EVC: variants seen among roughly 807,000 people sequenced by gnomAD.
EVC encodes the protein evC complex member EVC.
Under a neutral mutation model 118.9 loss-of-function variants are expected in EVC, and 116 were observed. The observed-to-expected ratio is 0.98, with a 90% CI of 0.84 to 1.14. The LOEUF (loss-of-function observed/expected upper bound fraction) is 1.14, where lower values mean the gene tolerates loss of function less well. Ranked by LOEUF, EVC falls within the 50% of genes most tolerant of loss-of-function variation. The probability of loss-of-function intolerance (pLI) is 0.00; values close to 1 mark genes in which losing one functional copy is unlikely to be tolerated. For synonymous variants in EVC, 619 were observed against 534.7 expected (o/e 1.16, Z -2.18); for missense variants, 1,401 against 1,246.4 (o/e 1.12, Z -1.87).
intron 11 of EVC, among the ~76,000 whole-genome samples, chr4:5,767,819 T>C (rs1733182611): frequency 6.6e-6 from 1 of 152,182 alleles, no homozygotes; most frequent in Non-Finnish European, 1.5e-5. Context: ...CCTAGTGAGA[T>C]GAACCCAGTA....
intron 4 of EVC, among the ~76,000 whole-genome samples, chr4:5,733,114 C>T (rs1383798510): frequency 2.6e-5 from 4 of 152,140 alleles, no homozygotes; most frequent in African/African-American, 4.8e-5. Context: ...TCTTGGAAGT[C>T]CCAGGCACCT....
At chr4:5,825,625 TACATG>T in the EVC span, 1 of 1,609,518 alleles carries the variant, frequency 6.2e-7, no homozygotes, top group Non-Finnish European at 8.5e-7. This position sits in a 1 kb window ranked among gnomAD's most constrained non-coding sequence, Gnocchi z 4.4. Flanking sequence ...AGGACCGTCA[TACATG>T]CCCCTGGAAA....
the EVC span, chr4:5,821,892 G>C: frequency 1.4e-6 from 2 of 1,463,450 alleles, no homozygotes; most frequent in Non-Finnish European, 1.8e-6. The surrounding 1 kb of genome is among the most constrained non-coding windows in gnomAD (Gnocchi z 4.4). Flanking sequence ...GGATCTGTTA[G>C]CATCAGTTCC....
intron 2 of EVC, among the ~76,000 whole-genome samples, chr4:5,723,404 T>C (rs1725298415): frequency 6.6e-6 from 1 of 152,094 alleles, no homozygotes; most frequent in Non-Finnish European, 1.5e-5. Flanking sequence ...TTGGTCAGGC[T>C]GGTCTCAAAC....
intron 15 of EVC, among the ~76,000 whole-genome samples, chr4:5,801,385 A>G (rs1437329785): frequency 6.6e-6 from 1 of 152,132 alleles, no homozygotes; most frequent in African/African-American, 2.4e-5. Context: ...ATGTTTAGAA[A>G]CGGAAGGCCT....
At chr4:5,767,443 A>G (rs1432884788) in intron 11 of EVC, among the ~76,000 whole-genome samples, 1 of 150,614 alleles carries the variant, frequency 6.6e-6, no homozygotes, top group Non-Finnish European at 1.5e-5. Flanking sequence ...TGCAGCTTCC[A>G]GGCTGCTTTG....
the EVC span, chr4:5,828,635 A>T: frequency 6.2e-7 from 1 of 1,613,944 alleles, no homozygotes; most frequent in African/African-American, 1.3e-5. Context: ...GAGCCGTGGC[A>T]CTCCATACCC....
In EVC at chr4:5,742,395, C is replaced by G. The variant is rs1728735602; in HGVS notation, c.801+581C>G. ...AATATGTGATGGCTGCTGTCATCCT[C>G]ATTATCACAACCACCACCAAAATCA... On this transcript the variant is annotated intron_variant, in intron 6 of 20. Coordinates refer to ENST00000264956, the MANE Select transcript of EVC (RefSeq NM_153717.3). The surrounding 1 kb of genome is among the most constrained non-coding windows in gnomAD (Gnocchi z 5.2). 6.6e-6 allele frequency among the ~76,000 whole-genome samples: 1 copy of G among 152,170 alleles called. No individual in the cohort carries two copies. Among genetic ancestry groups the G allele is most frequent in the Non-Finnish European group, 1.5e-5 (1 of 68,032 alleles).
chr4:5,758,693 T>C (rs554154373), intron 11 of EVC, among the ~76,000 whole-genome samples: 1 of 152,176 alleles, frequency 6.6e-6, no homozygotes, highest in African/African-American at 2.4e-5. Context: ...CCCATGTATC[T>C]TGCCCAGGTT....
At chr4:5,723,613 T>C (rs1382108910) in intron 2 of EVC, among the ~76,000 whole-genome samples, 1 of 152,152 alleles carries the variant, frequency 6.6e-6, no homozygotes, top group African/African-American at 2.4e-5. Flanking sequence ...CTCCCCTGTT[T>C]GTAGGAAGTT....
downstream of EVC, among the ~76,000 whole-genome samples, chr4:5,817,331 G>A (rs906416221): frequency 1.3e-5 from 2 of 152,162 alleles, no homozygotes; most frequent in African/African-American, 4.8e-5. Flanking sequence ...CGTCTGATAG[G>A]GAAAGACTTT....
At chr4:5,768,017 A>C (rs558615200) in intron 11 of EVC, among the ~76,000 whole-genome samples, 3 of 152,008 alleles carry the variant, frequency 2.0e-5, no homozygotes, top group Non-Finnish European at 4.4e-5. Flanking sequence ...TCGTTCATTC[A>C]TTCATTCATT....
Position 5,798,486 on chromosome 4 carries a change from C to T in EVC, c.2098-100C>T, listed in dbSNP as rs941658329. 2.4e-6 allele frequency: 3 copies of T among 1,253,016 alleles called. No individual in the cohort carries two copies. The highest frequency in any genetic ancestry group is 3.4e-6 in the Non-Finnish European group (3 of 878,610). The allele number at this position is 1,253,016 out of a possible 1,614,324, so 77.6% of individuals were successfully genotyped here. A position where few individuals can be genotyped will look rare whatever the true frequency, so the allele number is the denominator to read the frequency against. ...GCCCTTTCTCCATCCCTTTTCCAAC[C>T]CCTGGGCCCTGGATAGGACCAGCCC... is the stretch of plus-strand genomic sequence containing the variant. On this transcript the variant is annotated intron_variant, in intron 14 of 20. Transcript: ENST00000264956. This position sits in a 1 kb window ranked among gnomAD's most constrained non-coding sequence, Gnocchi z 4.1.
downstream of EVC, among the ~76,000 whole-genome samples, chr4:5,816,603 AC>A (rs1487665952): frequency 3.0e-5 from 2 of 67,226 alleles, no homozygotes; most frequent in Non-Finnish European, 5.8e-5. Context: ...TTCTTTCCTT[AC>A]CCCCTCTGTC....
intron 17 of EVC, among the ~76,000 whole-genome samples, chr4:5,806,881 C>A (rs1438622717): frequency 6.6e-6 from 1 of 152,216 alleles, no homozygotes; most frequent in Non-Finnish European, 1.5e-5. Context: ...GCCATTCTAA[C>A]TGGGGTAAGA....
chr4:5,745,256 T>A lies in EVC; in HGVS notation c.854T>A (p.Met285Lys). The stretch of plus-strand genomic sequence containing the variant: ...CAGGTCAAACTGTCAAACACAGAAA[T>A]GTCGGGGGCTGGTGACTCTGAGTAC... Reference protein sequence around the residue: ...GLQVKLSNTEMSGAGDSEYIT... With the variant: ...GLQVKLSNTEKSGAGDSEYIT... Residue 285 changes from methionine (M) to lysine (K), a missense_variant, in exon 7 of 21, where the codon ATG becomes AAG. Transcript: ENST00000264956. The A allele has an allele frequency of 6.2e-7, 1 of 1,614,040 alleles. No individual in the cohort carries two copies. The highest frequency in any genetic ancestry group is 8.5e-7 in the Non-Finnish European group (1 of 1,179,938).
the EVC span, chr4:5,821,983 A>C: frequency 1.6e-6 from 1 of 633,416 alleles, no homozygotes; most frequent in East Asian, 2.8e-5. This position sits in a 1 kb window ranked among gnomAD's most constrained non-coding sequence, Gnocchi z 4.4. Context: ...AGGACCAGCC[A>C]TGGGAAGCCT....
At position 5,743,200 on chromosome 4, in the gene EVC, T is replaced by G. The variant is rs1728866854; in HGVS notation, c.801+1386T>G. ...GCAATGAGGGCAGCAAGGGATCACTTTCATCACCATCCACTGGTTCCTGCC... is the reference window on the plus strand; with the variant it reads ...GCAATGAGGGCAGCAAGGGATCACTGTCATCACCATCCACTGGTTCCTGCC... On this transcript the variant is annotated intron_variant, in intron 6 of 20. Coordinates refer to ENST00000264956, the MANE Select transcript of EVC (RefSeq NM_153717.3). This position sits in a 1 kb window ranked among gnomAD's most constrained non-coding sequence, Gnocchi z 4.7. 6.6e-6 allele frequency among the ~76,000 whole-genome samples: 1 copy of G among 152,070 alleles called. No homozygotes were observed. The highest frequency in any genetic ancestry group is 1.9e-4 in the East Asian group (1 of 5,174).
chr4:5,721,467 A>T (rs935652079), intron 2 of EVC, among the ~76,000 whole-genome samples: 1 of 152,200 alleles, frequency 6.6e-6, no homozygotes, highest in East Asian at 1.9e-4. Context: ...ATTTATACAG[A>T]CAGAAAGTAG....
Sources: allele counts gnomAD v4.1 joint callset (sites outside exome capture counted in the v4.1 genomes callset), GRCh38; gene constraint gnomAD v4.1.1; non-coding constraint Gnocchi (gnomAD v3.1); transcripts MANE v1.5; gene names NCBI Gene and HGNC (gene_info 2026-07-23, HGNC 2026-07-21).